The following PCNX3 variants were observed in gnomAD, a reference collection of about 807,000 sequenced individuals.
PCNX3 encodes pecanex 3.
Under a neutral mutation model 207.2 loss-of-function variants are expected in PCNX3, and 58 were observed. The observed-to-expected ratio is 0.28, with a 90% CI of 0.23 to 0.35. The LOEUF is 0.35. Ranked by LOEUF, PCNX3 falls within the 10% of genes least tolerant of loss-of-function variation. The pLI is 1.00. For synonymous variants in PCNX3, 1,337 were observed against 1,183.5 expected (o/e 1.13, Z -2.66); for missense variants, 2,410 against 2,774.4 (o/e 0.87, Z 2.95).
chr11:65,616,843 T>C lies in PCNX3; in HGVS notation c.173T>C (p.Met58Thr). 1 of 1,612,934 alleles carries C rather than the reference T, an allele frequency of 6.2e-7. No individual in the cohort carries two copies. The highest frequency in any genetic ancestry group is 8.5e-7 in the Non-Finnish European group (1 of 1,179,292). ...LLYMVLPPSL[M>T]VAGVYCLVVA... is the part of the protein sequence containing the mutation. ...CTTCAGGTCCTGCCTCCCAGCTTGATGGTGGCCGGCGTGTACTGCCTCGTG... is the reference window on the plus strand; with the variant it reads ...CTTCAGGTCCTGCCTCCCAGCTTGACGGTGGCCGGCGTGTACTGCCTCGTG... Residue 58 changes from methionine to threonine, a missense_variant, in exon 2 of 35, where the codon ATG becomes ACG. Met to Thr is a moderately conservative substitution (Grantham distance 81). Around this residue, in one of 8 missense-constraint regions of PCNX3, gnomAD observed 1,104 missense variants for 970.3 expected, o/e 1.14. Transcript: ENST00000355703.
At position 65,618,927 on chromosome 11, in the gene PCNX3, A is replaced by C. The variant is rs774277110; in HGVS notation, c.1565A>C (p.Lys522Thr). ...CTGAGGCCCCCACTGGCTGGCTGCAAGGCAGAGCTGGAGGCCCAGGTTGGG... is the reference window on the plus strand; with the variant it reads ...CTGAGGCCCCCACTGGCTGGCTGCACGGCAGAGCTGGAGGCCCAGGTTGGG... ...DVLRPPLAGCKAELEAQVGVE... is the reference protein window; with the variant it reads ...DVLRPPLAGCTAELEAQVGVE... The change falls in exon 6 of 35, where the codon AAG becomes ACG. Residue 522 changes from lysine (K) to threonine (T), a missense_variant. Lys to Thr is a moderately conservative substitution (Grantham distance 78). Coordinates refer to ENST00000355703, the MANE Select transcript of PCNX3 (RefSeq NM_032223.4). The C allele has an allele frequency of 2.5e-6, 4 of 1,607,584 alleles. No homozygotes were observed. Among genetic ancestry groups the C allele is most frequent in the South Asian group, 2.2e-5 (2 of 90,366 alleles).
intron 2 of PCNX3, 83 bp downstream of exon 2, chr11:65,617,094 G>C: frequency 1.4e-6 from 2 of 1,442,826 alleles, no homozygotes; most frequent in Non-Finnish European, 1.9e-6. Context: ...AGGGGCTTAG[G>C]GAACATTGGC....
In PCNX3 at chr11:65,629,650, C is replaced by T. The variant is rs1402494943; in HGVS notation, c.4131C>T (p.Ala1377=). 1.3e-6 allele frequency: 2 copies of T among 1,592,840 alleles called. No homozygotes were observed. The highest frequency in any genetic ancestry group is 1.8e-5 in the Admixed American group (1 of 56,096). ...NYGPGDCFVL[A]SDYLNALVHL... ...GCCCTGGTGACTGCTTCGTCCTGGC[C>T]TCTGACTACCTCAACGCCCTGGTGC... The change falls in exon 26 of 35, where the codon GCC becomes GCT. Residue 1377 remains alanine (A), a synonymous_variant. Coordinates refer to ENST00000355703, the MANE Select transcript of PCNX3 (RefSeq NM_032223.4).
At position 65,618,444 on chromosome 11, in the gene PCNX3, C is replaced by G; in HGVS notation, c.1082C>G (p.Ser361Cys). 6.2e-7 allele frequency: 1 copy of G among 1,611,244 alleles called. No individual in the cohort carries two copies. The highest frequency in any genetic ancestry group is 8.5e-7 in the Non-Finnish European group (1 of 1,179,220). ...AGVPSDDTLR[S>C]FDTVIGAGTP... Reference sequence around the variant, plus strand: ...GTCCCCTCAGATGACACGCTGCGTTCCTTTGACACGGTCATTGGAGCAGGG... The same window carrying G: ...GTCCCCTCAGATGACACGCTGCGTTGCTTTGACACGGTCATTGGAGCAGGG... The change falls in exon 6 of 35, where the codon TCC becomes TGC. Residue 361 changes from serine to cysteine, a missense_variant. Physicochemically the swap from Ser to Cys is moderately radical, Grantham distance 112. Coordinates refer to ENST00000355703, the MANE Select transcript of PCNX3 (RefSeq NM_032223.4).
rs1253090696 is a variant in PCNX3, at chr11:65,634,112, C to T, written c.4471-14C>T. The T allele has an allele frequency of 1.1e-5, 17 of 1,605,780 alleles. No homozygotes were observed. Among genetic ancestry groups the T allele is most frequent in the East Asian group, 2.2e-5 (1 of 44,744 alleles). ...GCCGGGACCCCGGCCTGACGCCTGC[C>T]CCTCCTCTCCCAGAGCATCATCTAC... On this transcript the variant is annotated splice_polypyrimidine_tract_variant and intron_variant, in intron 27 of 34. Coordinates refer to ENST00000355703, the MANE Select transcript of PCNX3 (RefSeq NM_032223.4).
At position 65,616,829 on chromosome 11, in the gene PCNX3, G is replaced by A. The variant is rs200553226; in HGVS notation, c.159G>A (p.Leu53=). Residue 53 remains leucine, a synonymous_variant, in exon 2 of 35, where the codon CTG becomes CTA. Coordinates refer to ENST00000355703, the MANE Select transcript of PCNX3 (RefSeq NM_032223.4). Reference sequence around the variant, plus strand: ...TGGCTTACTTTCATCTTCAGGTCCTGCCTCCCAGCTTGATGGTGGCCGGCG... The same window carrying A: ...TGGCTTACTTTCATCTTCAGGTCCTACCTCCCAGCTTGATGGTGGCCGGCG... The part of the protein sequence containing the change: ...LIFPFLLYMV[L]PPSLMVAGVY... 1.1e-5 allele frequency: 18 copies of A among 1,610,866 alleles called. No individual in the cohort carries two copies. Among genetic ancestry groups the A allele is most frequent in the Non-Finnish European group, 1.0e-5 (12 of 1,177,576 alleles).
At chr11:65,620,509 C>A in intron 9 of PCNX3, 80 bp downstream of exon 9, 2 of 1,479,246 alleles carry the variant, frequency 1.4e-6, no homozygotes, top group Admixed American at 1.9e-5. Flanking sequence ...CTGGAGTTTG[C>A]TCTCTTCCTG....
At chr11:65,620,158 C>T (rs1178192602) in intron 8 of PCNX3, among the ~76,000 whole-genome samples, 181 bp from the exon 9 acceptor site, 1 of 152,234 alleles carries the variant, frequency 6.6e-6, no homozygotes, top group Non-Finnish European at 1.5e-5. Context: ...AAAGCTAGGA[C>T]AGGTGACTGC....
intron 24 of PCNX3, 44 bp downstream of exon 24, chr11:65,628,992 G>A (rs759829848): frequency 1.2e-6 from 2 of 1,602,594 alleles, no homozygotes; most frequent in Non-Finnish European, 8.5e-7. Flanking sequence ...AGGGCAGGAA[G>A]GGAGAGGTTT....
chr11:65,632,695 G>C (rs1468840093), intron 27 of PCNX3, among the ~76,000 whole-genome samples: 1 of 147,816 alleles, frequency 6.8e-6, no homozygotes, highest in East Asian at 2.0e-4. Flanking sequence ...GGTTAACCAA[G>C]CACCTGATAT....
intron 27 of PCNX3, among the ~76,000 whole-genome samples, chr11:65,632,671 A>T (rs1424895771): frequency 6.8e-6 from 1 of 146,040 alleles, no homozygotes; most frequent in Non-Finnish European, 1.5e-5. Flanking sequence ...AGAGAAAAGG[A>T]TGGCACTGGT....
At chr11:65,617,791 G>A in intron 5 of PCNX3, 85 bp downstream of exon 5, 1 of 1,500,576 alleles carries the variant, frequency 6.7e-7, no homozygotes. Flanking sequence ...TCCATCCTGG[G>A]TCTCCTCTGT....
At chr11:65,617,438 GT>G (rs1854801873) in intron 3 of PCNX3, 31 bp from the exon 4 acceptor site, 1 of 1,613,910 alleles carries the variant, frequency 6.2e-7, no homozygotes, top group Non-Finnish European at 8.5e-7. Flanking sequence ...TTCTTGCCTT[GT>G]TTGTTCCTTC....
At chr11:65,617,843 C>G in intron 5 of PCNX3, 97 bp from the exon 6 acceptor site, 2 of 1,464,828 alleles carry the variant, frequency 1.4e-6, no homozygotes, top group Non-Finnish European at 1.8e-6. Context: ...TGTGGCTGGG[C>G]TCTCAGGGAA....
At position 65,616,135 on chromosome 11, in the gene PCNX3, C is replaced by T. The variant is rs933670025; in HGVS notation, c.-177C>T. ...GCCTTGCACCACTGACTGTCCCGGC[C>T]GGCCCCGCCCCCTGCTCGCACCCTC... On this transcript the variant is annotated 5_prime_UTR_variant, in exon 1 of 35. Transcript: ENST00000355703. The T allele has an allele frequency of 1.3e-5, 5 of 399,336 alleles. No individual in the cohort carries two copies. Among genetic ancestry groups the T allele is most frequent in the African/African-American group, 4.2e-5 (2 of 47,340 alleles). 24.7% of individuals were successfully genotyped at this position (399,336 alleles called of 1,614,324 possible). A position where few individuals can be genotyped will look rare whatever the true frequency, so the allele number is the denominator to read the frequency against.
At position 65,629,648 on chromosome 11, in the gene PCNX3, G is replaced by A. The variant is rs754177276; in HGVS notation, c.4129G>A (p.Ala1377Thr). Residue 1377 changes from alanine (A) to threonine (T), a missense_variant, in exon 26 of 35, where the codon GCC becomes ACC. Transcript: ENST00000355703. ...TGGCCCTGGTGACTGCTTCGTCCTGGCCTCTGACTACCTCAACGCCCTGGT... is the reference window on the plus strand; with the variant it reads ...TGGCCCTGGTGACTGCTTCGTCCTGACCTCTGACTACCTCAACGCCCTGGT... ...NYGPGDCFVL[A>T]SDYLNALVHL... 2 of 1,596,292 alleles carry A rather than the reference G, an allele frequency of 1.3e-6. No homozygotes were observed. Among genetic ancestry groups the A allele is most frequent in the Non-Finnish European group, 1.7e-6 (2 of 1,171,482 alleles).
intron 8 of PCNX3, 62 bp downstream of exon 8, chr11:65,619,994 C>T: frequency 2.0e-6 from 3 of 1,498,934 alleles, no homozygotes; most frequent in Non-Finnish European, 2.7e-6. Context: ...AGCCTGAGTC[C>T]TCCTAGCAGT....
chr11:65,618,618 T>A lies in PCNX3; in HGVS notation c.1256T>A (p.Phe419Tyr). ...CCCCTGCTTGAAGGTGGGGGCTTCT[T>A]TGAGGATGAAGACACTAGTGAGGGC... Reference protein sequence around the residue: ...RRPLLEGGGFFEDEDTSEGSE... With the variant: ...RRPLLEGGGFYEDEDTSEGSE... Residue 419 changes from phenylalanine to tyrosine, a missense_variant, in exon 6 of 35, where the codon TTT becomes TAT. This residue lies in a region of PCNX3 where 1,104 missense variants were observed against 970.3 expected (regional missense o/e 1.14). Transcript: ENST00000355703. The A allele has an allele frequency of 3.7e-6, 6 of 1,612,670 alleles. No individual in the cohort carries two copies. The highest frequency in any genetic ancestry group is 5.1e-6 in the Non-Finnish European group (6 of 1,179,780).
At position 65,618,382 on chromosome 11, in the gene PCNX3, C is replaced by T. The variant is rs1249802167; in HGVS notation, c.1020C>T (p.Pro340=). ...PAPEGSDTDP[P]SEAELPASPD... is the part of the protein sequence containing the mutation. ...CTGAGGGCAGCGACACAGACCCACCCTCTGAGGCTGAGCTGCCTGCCTCAC... is the reference window on the plus strand; with the variant it reads ...CTGAGGGCAGCGACACAGACCCACCTTCTGAGGCTGAGCTGCCTGCCTCAC... The change falls in exon 6 of 35, where the codon CCC becomes CCT. Residue 340 remains proline (P), a synonymous_variant. Transcript: ENST00000355703. 3.7e-6 allele frequency: 6 copies of T among 1,612,810 alleles called. No individual in the cohort carries two copies. The highest frequency in any genetic ancestry group is 4.2e-6 in the Non-Finnish European group (5 of 1,179,848).
Sources: allele counts gnomAD v4.1 joint callset (sites outside exome capture counted in the v4.1 genomes callset), GRCh38; gene constraint gnomAD v4.1.1; regional missense constraint gnomAD v4.1.1; transcripts MANE v1.5; gene names NCBI Gene and HGNC (gene_info 2026-07-23, HGNC 2026-07-21).